The following EXOSC2 variants were observed in gnomAD, a reference collection of about 807,000 sequenced individuals.
The protein encoded by EXOSC2 is exosome complex component RRP4.
A neutral mutation model predicts 37.6 loss-of-function variants in EXOSC2; 29 were observed. The observed-to-expected ratio is 0.77, with a 90% CI of 0.57 to 1.05. The LOEUF (loss-of-function observed/expected upper bound fraction) is 1.05. Ranked by LOEUF, EXOSC2 falls within the 50% of genes least tolerant of loss-of-function variation. The probability of loss-of-function intolerance (pLI) is 0.00; values close to 1 mark genes in which losing one functional copy is unlikely to be tolerated. For missense variants in EXOSC2, 346 were observed against 365.6 expected, an observed-to-expected ratio of 0.95 and a Z score of 0.44; for synonymous variants, 119 against 131.1, an observed-to-expected ratio of 0.91 and a Z score of 0.63.
chr9:130,697,755 G>C (rs1476748470), intron 3 of EXOSC2, 128 bp downstream of exon 3: 1 of 854,322 alleles, frequency 1.2e-6, no homozygotes, highest in Non-Finnish European at 2.0e-6. Flanking sequence ...TGTGGCTTCT[G>C]ATGTAAATAT....
chr9:130,699,577 C>G, intron 5 of EXOSC2, 183 bp downstream of exon 5: 1 of 640,446 alleles, frequency 1.6e-6, no homozygotes, highest in Non-Finnish European at 2.8e-6. Context: ...CTCCCCAGCT[C>G]TTGTTGGGAC....
rs1477357217 is a variant in EXOSC2, at chr9:130,694,541, G to A, written c.122+628G>A. Among the ~76,000 whole-genome samples, 1 of 151,982 alleles carries A rather than the reference G, an allele frequency of 6.6e-6. No homozygotes were observed. Among genetic ancestry groups the A allele is most frequent in the Non-Finnish European group, 1.5e-5 (1 of 68,026 alleles). ...TAATAACAGTATGATACGGTAATGA[G>A]GATTAAATGAGACAATTATGTAAGA... is the stretch of plus-strand genomic sequence containing the variant. On this transcript the variant is annotated intron_variant, in intron 1 of 8. Coordinates refer to ENST00000372358, the MANE Select transcript of EXOSC2 (RefSeq NM_014285.7). The surrounding 1 kb of genome is among the most constrained non-coding windows in gnomAD (Gnocchi z 4.0).
At chr9:130,700,410 AGTGCAATG>A (rs947073846) in intron 5 of EXOSC2, among the ~76,000 whole-genome samples, 2 of 150,880 alleles carry the variant, frequency 1.3e-5, no homozygotes, top group African/African-American at 4.9e-5. Flanking sequence ...CCCAGGCTGG[AGTGCAATG>A]GTGGGATCTC....
intron 2 of EXOSC2, 33 bp from the exon 3 acceptor site, chr9:130,697,549 A>G: frequency 6.2e-7 from 1 of 1,611,486 alleles, no homozygotes; most frequent in Non-Finnish European, 8.5e-7. Flanking sequence ...GTCTGCTCAC[A>G]GATGGATGAA....
At chr9:130,700,664 T>A (rs892361198) in intron 5 of EXOSC2, among the ~76,000 whole-genome samples, 4 of 151,886 alleles carry the variant, frequency 2.6e-5, no homozygotes, top group Non-Finnish European at 1.5e-5. Flanking sequence ...TGGCCTTCTG[T>A]CTGTATTTTT....
chr9:130,699,411 A>G lies in EXOSC2; in HGVS notation c.426+17A>G. ...CTTATCAGTGTATCCTGCGCTTTGC[A>G]CTCCAGCCTCTTGATGCTTTTCTGT... On this transcript the variant is annotated intron_variant, in intron 5 of 8. Transcript: ENST00000372358. 1 of 1,613,206 alleles carries G rather than the reference A, an allele frequency of 6.2e-7. No homozygotes were observed. Among genetic ancestry groups the G allele is most frequent in the Non-Finnish European group, 8.5e-7 (1 of 1,179,210 alleles).
intron 2 of EXOSC2, among the ~76,000 whole-genome samples, chr9:130,696,896 C>T (rs1479563026): frequency 6.6e-6 from 1 of 152,026 alleles, no homozygotes; most frequent in African/African-American, 2.4e-5. Context: ...TCCCCTATCT[C>T]GGTTTGCTAT....
At chr9:130,695,792 A>C (rs1410537866) in intron 2 of EXOSC2, among the ~76,000 whole-genome samples, 199 bp downstream of exon 2, 1 of 151,254 alleles carries the variant, frequency 6.6e-6, no homozygotes, top group Non-Finnish European at 1.5e-5. Context: ...TCACCACTCC[A>C]AGCCTTGGTT....
intron 3 of EXOSC2, chr9:130,697,828 C>CT: frequency 1.7e-6 from 1 of 581,510 alleles, no homozygotes; most frequent in Non-Finnish European, 3.1e-6. Context: ...GAGTCTCGCT[C>CT]TGTCGCCCAG....
chr9:130,701,556 C>A (rs1588200557), intron 6 of EXOSC2: 2 of 982,366 alleles, frequency 2.0e-6, no homozygotes, highest in South Asian at 4.7e-5. Context: ...GGAGTGGCTG[C>A]AGACAGCCAC....
intron 6 of EXOSC2, chr9:130,701,207 C>T (rs1225241433): frequency 5.3e-6 from 2 of 377,760 alleles, no homozygotes; most frequent in Non-Finnish European, 9.9e-6. Flanking sequence ...CAACTGTGGG[C>T]TGGGAGGTGC....
chr9:130,700,277 C>A (rs974887580), intron 5 of EXOSC2, among the ~76,000 whole-genome samples: 2 of 151,834 alleles, frequency 1.3e-5, no homozygotes. Context: ...CCTCGGCCTC[C>A]CAAAGTGCTG....
At chr9:130,699,273 A>G (rs1179925367) in intron 4 of EXOSC2, 56 bp from the exon 5 acceptor site, 1 of 1,549,794 alleles carries the variant, frequency 6.5e-7, no homozygotes, top group East Asian at 2.2e-5. Flanking sequence ...AAGAGAAGTG[A>G]TGGAGACCTT....
chr9:130,697,796 A>AT, intron 3 of EXOSC2, 169 bp downstream of exon 3: 3 of 638,636 alleles, frequency 4.7e-6, no homozygotes, highest in Non-Finnish European at 8.2e-6. Context: ...TTACTGGTTC[A>AT]TGTTTTTTTT....
chr9:130,698,852 CTG>C lies in EXOSC2; in HGVS notation c.361-474_361-473del, dbSNP rs889727400. ...CCCTGGCAGTAGAAGAATAAATAAG[CTG>C]TGGTTATACAAAAGGAAATTTCAGT... is the stretch of plus-strand genomic sequence containing the variant. On this transcript the variant is annotated intron_variant, in intron 4 of 8. Coordinates refer to ENST00000372358, the MANE Select transcript of EXOSC2 (RefSeq NM_014285.7). The surrounding 1 kb of genome is among the most constrained non-coding windows in gnomAD (Gnocchi z 4.1). Among the ~76,000 whole-genome samples, 2 of 152,144 alleles carry C rather than the reference CTG, an allele frequency of 1.3e-5. No individual in the cohort carries two copies. Among genetic ancestry groups the C allele is most frequent in the African/African-American group, 4.8e-5 (2 of 41,424 alleles).
In EXOSC2 at chr9:130,694,875, G is replaced by GTT. The variant is rs745609872; in HGVS notation, c.123-617_123-616insTT. Among the ~76,000 whole-genome samples, 15 of 145,262 alleles carry GTT rather than the reference G, an allele frequency of 1.0e-4. No homozygotes were observed. The highest frequency in any genetic ancestry group is 8.0e-4 in the East Asian group (4 of 4,994). On this transcript the variant is annotated intron_variant, in intron 1 of 8. Coordinates refer to ENST00000372358, the MANE Select transcript of EXOSC2 (RefSeq NM_014285.7). This position sits in a 1 kb window ranked among gnomAD's most constrained non-coding sequence, Gnocchi z 4.0. ...ACGCCACCATGCCTAGCTAATTTTTGGTTTTTTTTTTTTTTAGTAGAGACA... is the reference window on the plus strand; with the variant it reads ...ACGCCACCATGCCTAGCTAATTTTTGTTGTTTTTTTTTTTTTTAGTAGAGACA...
rs1247724683 is a variant in EXOSC2, at chr9:130,700,368, TA to T, written c.427-498del. On this transcript the variant is annotated intron_variant, in intron 5 of 8. Coordinates refer to ENST00000372358, the MANE Select transcript of EXOSC2 (RefSeq NM_014285.7). ...TTATTTATTTATTTATTTATTTATT[TA>T]TTTTTTTGAGACGGAGTTTCACTCT... Among the ~76,000 whole-genome samples the T allele has an allele frequency of 6.2e-3, 933 of 149,794 alleles. 16 individuals carry two copies. The highest frequency in any genetic ancestry group is 0.023 in the African/African-American group (911 of 40,438).
In EXOSC2 at chr9:130,697,643, G is replaced by A. The variant is rs182727844; in HGVS notation, c.270+16G>A. On this transcript the variant is annotated intron_variant, in intron 3 of 8. Transcript: ENST00000372358. Reference sequence around the variant, plus strand: ...AATCACAGAGGTAACGTCGATATCAGATTGGTGTTTACAAAGTCGAGGCAG... The same window carrying A: ...AATCACAGAGGTAACGTCGATATCAAATTGGTGTTTACAAAGTCGAGGCAG... 1.8e-5 allele frequency: 29 copies of A among 1,613,464 alleles called. No individual in the cohort carries two copies. The highest frequency in any genetic ancestry group is 3.3e-4 in the Middle Eastern group (2 of 6,060).
intron 6 of EXOSC2, 99 bp from the exon 7 acceptor site, chr9:130,702,035 A>G: frequency 6.8e-7 from 1 of 1,478,142 alleles, no homozygotes; most frequent in Non-Finnish European, 9.0e-7. Context: ...AACAGGAAGG[A>G]CACCAATTTG....
Sources: gnomAD v4.1 joint callset for allele counts (sites outside exome capture counted in the v4.1 genomes callset) on GRCh38, gnomAD v4.1.1 for gene constraint, Gnocchi (gnomAD v3.1) non-coding constraint, MANE v1.5 for transcripts, NCBI Gene and HGNC (gene_info 2026-07-23, HGNC 2026-07-21) for gene names.